Variants in GLCCI1 observed in about 807,000 individuals in gnomAD.
The protein encoded by GLCCI1 is glucocorticoid-induced transcript 1 protein.
A neutral mutation model predicts 52.2 loss-of-function variants in GLCCI1; 24 were observed. The ratio of observed to expected loss-of-function variants is 0.46; its 90% CI spans 0.33 to 0.65. GLCCI1 has a LOEUF of 0.65. Among genes scored for constraint, GLCCI1 ranks in the 30% least tolerant of loss-of-function variants. The probability of loss-of-function intolerance (pLI) is 0.02; values close to 1 mark genes in which losing one functional copy is unlikely to be tolerated. For synonymous variants in GLCCI1, 310 were observed against 276.5 expected, an observed-to-expected ratio of 1.12 and a Z score of -1.20; for missense variants, 704 against 701.5, an observed-to-expected ratio of 1.00 and a Z score of -0.04.
intron 4 of GLCCI1, among the ~76,000 whole-genome samples, chr7:8,057,111 G>T (rs1483554705): frequency 6.6e-6 from 1 of 152,124 alleles, no homozygotes; most frequent in Non-Finnish European, 1.5e-5. Context: ...AACACAAAAA[G>T]GTACAACTAC....
Position 8,061,679 on chromosome 7 carries a change from T to G in GLCCI1, c.966+1431T>G, listed in dbSNP as rs1307064484. On this transcript the variant is annotated intron_variant, in intron 5 of 7. Transcript: ENST00000223145. Reference sequence around the variant, plus strand: ...ACTCTTTTTTTTTTTTTTTTTTTTTTTTTTTGAGACAGGGTCTCGTTCTGT... The same window carrying G: ...ACTCTTTTTTTTTTTTTTTTTTTTTGTTTTTGAGACAGGGTCTCGTTCTGT... Among the ~76,000 whole-genome samples the G allele has an allele frequency of 2.8e-5, 3 of 105,392 alleles. No individual in the cohort carries two copies. The East Asian group carries it at 7.9e-4, about 28-fold the overall frequency. The allele number at this position is 105,392 out of a possible 152,430, so 69.1% of individuals were successfully genotyped here. A position where few individuals can be genotyped will look rare whatever the true frequency, so the allele number is the denominator to read the frequency against.
intron 2 of GLCCI1, among the ~76,000 whole-genome samples, chr7:8,004,688 T>G (rs919185278): frequency 6.6e-6 from 1 of 152,284 alleles, no homozygotes; most frequent in East Asian, 1.9e-4. Context: ...ACTAAAAATA[T>G]AAGAGATAGT....
chr7:7,998,278 G>A (rs947182342), intron 1 of GLCCI1, among the ~76,000 whole-genome samples: 3 of 151,734 alleles, frequency 2.0e-5, no homozygotes, highest in Non-Finnish European at 4.4e-5. Context: ...GTGCAGTGGC[G>A]TGATCTTGGC....
intron 1 of GLCCI1, chr7:7,981,182 G>T: frequency 2.7e-6 from 1 of 370,266 alleles, no homozygotes; most frequent in Non-Finnish European, 5.2e-6. Flanking sequence ...CTAGATTTGG[G>T]CCAATAAGAA....
chr7:8,075,093 T>C (rs1390083236), intron 6 of GLCCI1, among the ~76,000 whole-genome samples: 1 of 152,220 alleles, frequency 6.6e-6, no homozygotes, highest in Non-Finnish European at 1.5e-5. Flanking sequence ...TAACATCTAT[T>C]CGCTATGAAT....
chr7:8,072,632 A>G (rs1161346651), intron 6 of GLCCI1, among the ~76,000 whole-genome samples: 1 of 152,204 alleles, frequency 6.6e-6, no homozygotes. Context: ...GAAATGATAA[A>G]TAATAGTAAC....
chr7:7,973,436 G>GTGTGTGTGTA (rs1287527759), intron 1 of GLCCI1, among the ~76,000 whole-genome samples: 1 of 151,772 alleles, frequency 6.6e-6, no homozygotes, highest in African/African-American at 2.4e-5. Context: ...GTGTGTGTGT[G>GTGTGTGTGTA]TGTGTTTTGT....
intron 5 of GLCCI1, among the ~76,000 whole-genome samples, chr7:8,066,977 C>T (rs1007627593): frequency 1.6e-4 from 24 of 152,170 alleles, no homozygotes; most frequent in Middle Eastern, 3.4e-3. Flanking sequence ...TACTGGCAGT[C>T]GGGTGTTGAA....
chr7:8,086,335 C>G lies in GLCCI1; in HGVS notation c.1441C>G (p.Pro481Ala). ...PASDLMLKNS[P>A]NSGQSSALAT... ...TTCTGACCTTATGCTCAAGAACTCC[C>G]CTAACTCTGGCCAGAGCTCAGCTTT... The change falls in exon 8 of 8, where the codon CCT becomes GCT. Residue 481 changes from proline to alanine, a missense_variant. This residue lies in a region of GLCCI1 where 149 missense variants were observed against 152.9 expected (regional missense o/e 0.97). Transcript: ENST00000223145. The surrounding 1 kb of genome is among the most constrained non-coding windows in gnomAD (Gnocchi z 4.4). 1 of 1,614,074 alleles carries G rather than the reference C, an allele frequency of 6.2e-7. No individual in the cohort carries two copies. Among genetic ancestry groups the G allele is most frequent in the Non-Finnish European group, 8.5e-7 (1 of 1,179,968 alleles).
Position 7,969,410 on chromosome 7 carries a change from G to T in GLCCI1, c.60G>T (p.Ser20=), listed in dbSNP as rs1197758235. The stretch of plus-strand genomic sequence containing the variant: ...CCTCTCAGACCCCTCATCCCCCGTC[G>T]CAGAGGATGAGGCGCAGCGCCGCGG... ...SSSSQTPHPP[S]QRMRRSAAGS... is the part of the protein sequence containing the mutation. Residue 20 remains serine, a synonymous_variant, in exon 1 of 8, where the codon TCG becomes TCT. Transcript: ENST00000223145. The surrounding 1 kb of genome is among the most constrained non-coding windows in gnomAD (Gnocchi z 4.9). The T allele has an allele frequency of 1.4e-6, 2 of 1,403,890 alleles. No homozygotes were observed. Among genetic ancestry groups the T allele is most frequent in the Non-Finnish European group, 1.9e-6 (2 of 1,072,612 alleles). The allele number at this position is 1,403,890 out of a possible 1,614,324, so 87.0% of individuals were successfully genotyped here. A position where few individuals can be genotyped will look rare whatever the true frequency, so the allele number is the denominator to read the frequency against.
In GLCCI1 at chr7:8,084,884, T is replaced by G. The variant is rs1416656126; in HGVS notation, c.1178-13T>G. The G allele has an allele frequency of 1.9e-6, 3 of 1,610,558 alleles. No individual in the cohort carries two copies. Among genetic ancestry groups the G allele is most frequent in the Non-Finnish European group, 2.5e-6 (3 of 1,179,174 alleles). ...TTCAATCACTAGTTAATATAACTGC[T>G]TTAAATTTACAGACAGTGGGAGTAG... is the stretch of plus-strand genomic sequence containing the variant. On this transcript the variant is annotated splice_polypyrimidine_tract_variant and intron_variant, in intron 6 of 7. Transcript: ENST00000223145.
chr7:8,040,770 A>T (rs561984957), intron 3 of GLCCI1, among the ~76,000 whole-genome samples: 1 of 152,356 alleles, frequency 6.6e-6, no homozygotes, highest in South Asian at 2.1e-4. Flanking sequence ...ACACATGTCT[A>T]CATTGAGACT....
chr7:8,063,280 G>C (rs540218839), intron 5 of GLCCI1, among the ~76,000 whole-genome samples: 1 of 152,118 alleles, frequency 6.6e-6, no homozygotes, highest in South Asian at 2.1e-4. Flanking sequence ...TGGGACTTCA[G>C]GTGCATGCTG....
intron 4 of GLCCI1, 27 bp from the exon 5 acceptor site, chr7:8,060,069 T>C (rs1332478460): frequency 6.3e-7 from 1 of 1,576,922 alleles, no homozygotes; most frequent in Non-Finnish European, 8.6e-7. Flanking sequence ...ACAAATAATT[T>C]GATACCACCT....
chr7:7,998,529 T>C (rs182397596), intron 1 of GLCCI1, among the ~76,000 whole-genome samples: 4 of 152,322 alleles, frequency 2.6e-5, no homozygotes, highest in African/African-American at 7.2e-5. Flanking sequence ...AGGTAGCTTT[T>C]ATTGTAACTA....
At chr7:8,058,872 T>C (rs1177806726) in intron 4 of GLCCI1, among the ~76,000 whole-genome samples, 1 of 152,192 alleles carries the variant, frequency 6.6e-6, no homozygotes, top group Non-Finnish European at 1.5e-5. Context: ...TAACGTAAAA[T>C]AGTCACTTAA....
chr7:8,086,078 A>T lies in GLCCI1; in HGVS notation c.1299-115A>T, dbSNP rs1156372496. On this transcript the variant is annotated intron_variant, in intron 7 of 7. Transcript: ENST00000223145. The surrounding 1 kb of genome is among the most constrained non-coding windows in gnomAD (Gnocchi z 4.4). ...ATGTTTACCCCTCTGTATACACTTA[A>T]CCCATCTCCTGCCATTTACATTTTA... 1 of 840,496 alleles carries T rather than the reference A, an allele frequency of 1.2e-6. No individual in the cohort carries two copies. The highest frequency in any genetic ancestry group is 1.7e-5 in the African/African-American group (1 of 58,934). 52.1% of individuals were successfully genotyped at this position (840,496 alleles called of 1,614,324 possible). A position where few individuals can be genotyped will look rare whatever the true frequency, so the allele number is the denominator to read the frequency against.
At chr7:8,002,113 A>G (rs1781061430) in intron 1 of GLCCI1, among the ~76,000 whole-genome samples, 1 of 152,152 alleles carries the variant, frequency 6.6e-6, no homozygotes, top group Non-Finnish European at 1.5e-5. Context: ...AAAGGAAAAA[A>G]AAGGAATCTA....
At chr7:8,040,922 A>C (rs1330749646) in intron 3 of GLCCI1, among the ~76,000 whole-genome samples, 1 of 151,902 alleles carries the variant, frequency 6.6e-6, no homozygotes, top group Non-Finnish European at 1.5e-5. Context: ...GCCAACTAAT[A>C]CTCCTACAGT....
Sources: gnomAD v4.1 joint callset for allele counts (sites outside exome capture counted in the v4.1 genomes callset) on GRCh38, gnomAD v4.1.1 for gene constraint, gnomAD v4.1.1 regional missense constraint, Gnocchi (gnomAD v3.1) non-coding constraint, MANE v1.5 for transcripts, NCBI Gene and HGNC (gene_info 2026-07-23, HGNC 2026-07-21) for gene names.